The following HIVEP3 variants were observed in gnomAD, a reference collection of about 807,000 sequenced individuals.
The protein encoded by HIVEP3 is HIVEP zinc finger 3.
A neutral mutation model predicts 152.8 loss-of-function variants in HIVEP3; 49 were observed. That is an observed-to-expected ratio of 0.32 (90% CI 0.26 to 0.41). The LOEUF (loss-of-function observed/expected upper bound fraction) is 0.41. Ranked by LOEUF, HIVEP3 falls within the 10% of genes least tolerant of loss-of-function variation. The pLI, the probability that HIVEP3 is intolerant of heterozygous loss-of-function variation, is 1.00. For missense variants in HIVEP3, 2,790 were observed against 3,103.3 expected, an observed-to-expected ratio of 0.90 and a Z score of 2.40; for synonymous variants, 1,269 against 1,289.0, an observed-to-expected ratio of 0.98 and a Z score of 0.33.
intron 1 of HIVEP3, among the ~76,000 whole-genome samples, chr1:41,774,395 A>C (rs1648562981): frequency 6.6e-6 from 1 of 152,256 alleles, no homozygotes; most frequent in Non-Finnish European, 1.5e-5. Context: ...AATTTGAAGA[A>C]TAAAAATGAT....
At chr1:41,768,966 G>C (rs1648180860) in intron 1 of HIVEP3, among the ~76,000 whole-genome samples, 2 of 152,200 alleles carry the variant, frequency 1.3e-5, no homozygotes, top group Non-Finnish European at 2.9e-5. Context: ...TTACAGAAAA[G>C]AGTGGCCTTG....
chr1:41,925,695 G>A (rs1215752745), intron 1 of HIVEP3, among the ~76,000 whole-genome samples: 1 of 152,204 alleles, frequency 6.6e-6, no homozygotes, highest in Non-Finnish European at 1.5e-5. Context: ...GGCAGATACT[G>A]TTCTTTTATC....
intron 5 of HIVEP3, among the ~76,000 whole-genome samples, chr1:41,556,757 T>C (rs1643972333): frequency 6.6e-6 from 1 of 152,246 alleles, no homozygotes; most frequent in Admixed American, 6.5e-5. Flanking sequence ...AAGAGTTTTA[T>C]TATAGTTTTA....
chr1:41,940,213 T>A (rs978273777), intron 1 of HIVEP3, among the ~76,000 whole-genome samples: 14 of 152,346 alleles, frequency 9.2e-5, no homozygotes, highest in African/African-American at 3.4e-4. Flanking sequence ...AATATACAAT[T>A]GAGCTGAATT....
chr1:41,554,300 C>T (rs529381858), intron 5 of HIVEP3, among the ~76,000 whole-genome samples: 45 of 152,268 alleles, frequency 3.0e-4, no homozygotes, highest in African/African-American at 9.4e-4. Flanking sequence ...CTTGTGCATG[C>T]GTCACGTAGT....
At chr1:41,865,396 T>A (rs1432952493) in intron 1 of HIVEP3, among the ~76,000 whole-genome samples, 2 of 152,174 alleles carry the variant, frequency 1.3e-5, no homozygotes, top group Non-Finnish European at 2.9e-5. Context: ...AATCCATGAA[T>A]CCTGAGGTCT....
chr1:41,828,720 C>T (rs57179432), intron 1 of HIVEP3, among the ~76,000 whole-genome samples: 2,083 of 152,202 alleles, frequency 0.014, 44 homozygotes, highest in African/African-American at 0.047. Flanking sequence ...GTGCCTTGCC[C>T]GAGACCTTAG....
chr1:41,622,698 C>G (rs1404026051), intron 3 of HIVEP3, among the ~76,000 whole-genome samples: 1 of 152,166 alleles, frequency 6.6e-6, no homozygotes, highest in African/African-American at 2.4e-5. Context: ...GGATTTTAAG[C>G]AGCAGATAGC....
rs113758497 is a variant in HIVEP3 at position 42,004,741 on chromosome 1, G to T, written n.119+31066C>A. Among the ~76,000 whole-genome samples, 741 of 152,280 alleles carry T rather than the reference G, an allele frequency of 4.9e-3. 7 individuals are homozygous for T. Among genetic ancestry groups the T allele is most frequent in the African/African-American group, 0.017 (721 of 41,548 alleles). On this transcript the variant is annotated intron_variant and non_coding_transcript_variant, in intron 1 of 3. Transcript: ENST00000489103. ...AAGTATGGTAACCAAAGCAGCAGCA[G>T]CAGCATCACCTGTGAACCCATTAGA...
intron 2 of HIVEP3, among the ~76,000 whole-genome samples, chr1:41,629,730 T>C (rs565505880): frequency 6.6e-6 from 1 of 152,150 alleles, no homozygotes; most frequent in Admixed American, 6.5e-5. Context: ...TGAAATGCCA[T>C]CTCACACCAG....
chr1:41,844,840 GAAT>G (rs1309456400), intron 1 of HIVEP3, among the ~76,000 whole-genome samples: 1 of 152,210 alleles, frequency 6.6e-6, no homozygotes, highest in African/African-American at 2.4e-5. Context: ...ATCTCATATA[GAAT>G]AATCTCAGCA....
chr1:41,582,556 T>C lies in HIVEP3; in HGVS notation c.2242A>G (p.Asn748Asp). Residue 748 changes from asparagine to aspartate, a missense_variant, in exon 4 of 9, where the codon AAC (asparagine) becomes GAC (aspartate). Coordinates refer to ENST00000372583, the MANE Select transcript of HIVEP3 (RefSeq NM_024503.5). The surrounding 1 kb of genome is among the most constrained non-coding windows in gnomAD (Gnocchi z 4.7). The part of the protein sequence containing the change: ...GSPGPSDAAR[N>D]LPLESTKSPA... ...GACTTGGTGGACTCCAGGGGAAGGT[T>C]CCGAGCAGCATCAGATGGCCCGGGG... is the stretch of plus-strand genomic sequence containing the variant. 6.2e-7 allele frequency: 1 copy of C among 1,611,934 alleles called. No homozygotes were observed. Among genetic ancestry groups the C allele is most frequent in the Non-Finnish European group, 8.5e-7 (1 of 1,178,706 alleles).
intron 5 of HIVEP3, among the ~76,000 whole-genome samples, chr1:41,525,828 C>T (rs751783300): frequency 1.1e-4 from 16 of 152,144 alleles, no homozygotes; most frequent in Non-Finnish European, 1.6e-4. Flanking sequence ...ATGTGCAAGT[C>T]TCAGATGCGG....
At chr1:41,676,899 T>C (rs550111125) in intron 2 of HIVEP3, among the ~76,000 whole-genome samples, 14 of 152,202 alleles carry the variant, frequency 9.2e-5, no homozygotes, top group African/African-American at 1.9e-4. Flanking sequence ...AAGTCCACTT[T>C]TCATTCTGGA....
chr1:41,926,689 T>C (rs1015682389), intron 1 of HIVEP3, among the ~76,000 whole-genome samples: 3 of 151,158 alleles, frequency 2.0e-5, no homozygotes, highest in Non-Finnish European at 4.4e-5. Context: ...GTGCCTTAAG[T>C]ACCCCTATTA....
At chr1:41,564,721 AGATATGTGAAG>A (rs1438401258) in intron 5 of HIVEP3, among the ~76,000 whole-genome samples, 1 of 152,264 alleles carries the variant, frequency 6.6e-6, no homozygotes, top group Non-Finnish European at 1.5e-5. Context: ...CAGCATTTTC[AGATATGTGAAG>A]GATCAAAGTA....
chr1:41,597,208 T>G (rs537117595), intron 3 of HIVEP3, among the ~76,000 whole-genome samples: 1 of 152,302 alleles, frequency 6.6e-6, no homozygotes, highest in East Asian at 1.9e-4. Context: ...GGTATTTGTC[T>G]TCCTGTTAGA....
intron 1 of HIVEP3, among the ~76,000 whole-genome samples, chr1:41,872,126 T>A (rs1644091477): frequency 6.6e-6 from 1 of 152,206 alleles, no homozygotes; most frequent in South Asian, 2.1e-4. Context: ...TTCAGCCGAA[T>A]TAAATTTAAA....
intron 2 of HIVEP3, among the ~76,000 whole-genome samples, chr1:41,691,084 C>A (rs1039264375): frequency 6.6e-6 from 1 of 152,220 alleles, no homozygotes; most frequent in Non-Finnish European, 1.5e-5. Flanking sequence ...TCTCATGGAG[C>A]TTCTTGGTGA....
Sources: gnomAD v4.1 joint callset for allele counts (sites outside exome capture counted in the v4.1 genomes callset) on GRCh38, gnomAD v4.1.1 for gene constraint, Gnocchi (gnomAD v3.1) non-coding constraint, MANE v1.5 for transcripts, NCBI Gene and HGNC (gene_info 2026-07-23, HGNC 2026-07-21) for gene names.